CSMD1: variants seen among roughly 807,000 people sequenced by gnomAD.
CSMD1 encodes CUB and sushi domain-containing protein 1.
Under a neutral mutation model 417.5 loss-of-function variants are expected in CSMD1, and 213 were observed. The ratio of observed to expected loss-of-function variants is 0.51; its 90% CI spans 0.46 to 0.57. The LOEUF is 0.57. CSMD1 is among the 20% of genes least tolerant of loss of function. The pLI, the probability that CSMD1 is intolerant of heterozygous loss-of-function variation, is 0.00. For missense variants in CSMD1, 6,923 were observed against 4,529.7 expected, an observed-to-expected ratio of 1.53 and a Z score of -15.17; for synonymous variants, 2,862 against 1,736.8, an observed-to-expected ratio of 1.65 and a Z score of -16.11.
intron 3 of CSMD1, among the ~76,000 whole-genome samples, chr8:4,298,461 C>T (rs995104161): frequency 6.6e-6 from 1 of 152,056 alleles, no homozygotes; most frequent in Non-Finnish European, 1.5e-5. Context: ...CAGGAAATTA[C>T]TTAGTGAGTA....
intron 2 of CSMD1, among the ~76,000 whole-genome samples, chr8:4,528,711 G>T (rs560495319): frequency 2.0e-5 from 3 of 152,170 alleles, no homozygotes; most frequent in African/African-American, 7.2e-5. Context: ...ATTATGTACA[G>T]CTTTTTGTAG....
Position 4,165,006 on chromosome 8 carries a change from G to C in CSMD1, c.416-132907C>G, listed in dbSNP as rs78219959. On this transcript the variant is annotated intron_variant, in intron 3 of 69. Transcript: ENST00000635120. The stretch of plus-strand genomic sequence containing the variant: ...TTATTGTAGAGTTTCCTATGTTCTT[G>C]TATGTTTTTGTCCATGACACCTGAG... Among the ~76,000 whole-genome samples, 1,105 of 152,202 alleles carry C rather than the reference G, an allele frequency of 7.3e-3. 14 individuals are homozygous for C. Among genetic ancestry groups the C allele is most frequent in the African/African-American group, 0.026 (1,064 of 41,530 alleles).
chr8:4,903,677 T>C (rs1036536470), intron 1 of CSMD1, among the ~76,000 whole-genome samples: 2 of 152,208 alleles, frequency 1.3e-5, no homozygotes, highest in Non-Finnish European at 2.9e-5. Flanking sequence ...ACTAAATGTT[T>C]ATACCAAAGG....
chr8:3,884,327 A>G (rs1481461522), intron 5 of CSMD1, among the ~76,000 whole-genome samples: 1 of 152,212 alleles, frequency 6.6e-6, no homozygotes, highest in Non-Finnish European at 1.5e-5. Flanking sequence ...GCAATATACA[A>G]ACTTGCATAA....
intron 5 of CSMD1, among the ~76,000 whole-genome samples, chr8:3,933,988 C>T (rs953912946): frequency 6.6e-6 from 1 of 152,098 alleles, no homozygotes; most frequent in Non-Finnish European, 1.5e-5. Flanking sequence ...AAGTGGCAAA[C>T]CCATGGCAAA....
At chr8:4,416,984 T>A (rs949051842) in intron 3 of CSMD1, among the ~76,000 whole-genome samples, 1 of 152,080 alleles carries the variant, frequency 6.6e-6, no homozygotes, top group African/African-American at 2.4e-5. Flanking sequence ...AAGACAGCTA[T>A]GCAACTATGT....
chr8:3,315,719 A>C (rs545027731), intron 23 of CSMD1, among the ~76,000 whole-genome samples: 2 of 152,302 alleles, frequency 1.3e-5, no homozygotes, highest in African/African-American at 4.8e-5. Flanking sequence ...ACTTAAGGTA[A>C]AACATCAAAA....
chr8:4,056,822 G>A (rs1021222992), intron 3 of CSMD1, among the ~76,000 whole-genome samples: 5 of 152,128 alleles, frequency 3.3e-5, no homozygotes, highest in Admixed American at 6.6e-5. Flanking sequence ...TACTGAGAAT[G>A]ATGATTTCCA....
intron 1 of CSMD1, among the ~76,000 whole-genome samples, chr8:4,983,980 G>A (rs544721436): frequency 6.6e-6 from 1 of 152,134 alleles, no homozygotes; most frequent in Non-Finnish European, 1.5e-5. Context: ...TACCTGGCCT[G>A]GCTGAATTGG....
At chr8:4,358,867 T>C (rs751592645) in intron 3 of CSMD1, among the ~76,000 whole-genome samples, 1 of 152,140 alleles carries the variant, frequency 6.6e-6, no homozygotes, top group Non-Finnish European at 1.5e-5. Context: ...AACACGGTTT[T>C]ACCAATAATC....
At chr8:4,129,207 C>T (rs1441664672) in intron 3 of CSMD1, among the ~76,000 whole-genome samples, 2 of 152,106 alleles carry the variant, frequency 1.3e-5, no homozygotes, top group African/African-American at 4.8e-5. Flanking sequence ...TTAATATGTT[C>T]AAATTCAGCA....
At chr8:3,109,328 TA>T (rs1208443151) in intron 43 of CSMD1, among the ~76,000 whole-genome samples, 5 of 152,164 alleles carry the variant, frequency 3.3e-5, no homozygotes, top group Non-Finnish European at 7.4e-5. Flanking sequence ...CCATTCTAAA[TA>T]TGGAGCTTAA....
rs143518682 is a variant in CSMD1, at chr8:3,853,332, C to T, written c.819-99290G>A. Among the ~76,000 whole-genome samples, 437 of 152,282 alleles carry T rather than the reference C, an allele frequency of 2.9e-3. 2 individuals are homozygous for T. The highest frequency in any genetic ancestry group is 4.5e-3 in the African/African-American group (187 of 41,562). ...TCTTCTCACCTGACACTTATTATTT[C>T]ATAACATGCTCCACAATTTACTTTA... On this transcript the variant is annotated intron_variant, in intron 5 of 69. Transcript: ENST00000635120.
chr8:4,712,182 C>A (rs1399688575), intron 1 of CSMD1, among the ~76,000 whole-genome samples: 1 of 152,164 alleles, frequency 6.6e-6, no homozygotes. Context: ...TTTCTTCAGG[C>A]TCAAATGTCT....
At chr8:3,372,737 TG>T (rs1280621122) in intron 18 of CSMD1, among the ~76,000 whole-genome samples, 1 of 152,064 alleles carries the variant, frequency 6.6e-6, no homozygotes, top group Non-Finnish European at 1.5e-5. Flanking sequence ...CTGCTGGGCT[TG>T]CCTGTAGAAT....
chr8:3,677,272 A>G (rs1045706927), intron 7 of CSMD1, among the ~76,000 whole-genome samples: 14 of 152,226 alleles, frequency 9.2e-5, no homozygotes, highest in African/African-American at 3.1e-4. Flanking sequence ...TTTCTCTCCC[A>G]GGAAAGTTAT....
chr8:3,647,117 G>A (rs976071566), intron 7 of CSMD1, among the ~76,000 whole-genome samples: 2 of 152,128 alleles, frequency 1.3e-5, no homozygotes, highest in Non-Finnish European at 2.9e-5. Flanking sequence ...ATCCCAGGAA[G>A]GAATAAATCA....
chr8:4,466,366 C>A (rs1229629526), intron 2 of CSMD1, among the ~76,000 whole-genome samples: 1 of 152,042 alleles, frequency 6.6e-6, no homozygotes, highest in African/African-American at 2.4e-5. Context: ...AAGGACTAGC[C>A]ATGGAGATGT....
intron 3 of CSMD1, among the ~76,000 whole-genome samples, chr8:4,295,186 GATT>G (rs1370078017): frequency 6.6e-5 from 9 of 135,442 alleles, no homozygotes; most frequent in Non-Finnish European, 1.4e-4. Context: ...ATAATCTTAA[GATT>G]ATGCACATAT....
Sources: gnomAD v4.1 joint callset for allele counts (sites outside exome capture counted in the v4.1 genomes callset) on GRCh38, gnomAD v4.1.1 for gene constraint, MANE v1.5 for transcripts, NCBI Gene and HGNC (gene_info 2026-07-23, HGNC 2026-07-21) for gene names.